HOOK1: variants seen among roughly 807,000 people sequenced by gnomAD.
HOOK1 encodes protein Hook homolog 1.
A neutral mutation model predicts 112.8 loss-of-function variants in HOOK1; 60 were observed. That is an observed-to-expected ratio of 0.53 (90% CI 0.43 to 0.66). The LOEUF (loss-of-function observed/expected upper bound fraction) is 0.66, where lower values mean the gene tolerates loss of function less well. Among genes scored for constraint, HOOK1 ranks in the 30% least tolerant of loss-of-function variants. HOOK1 has a pLI of 0.00. For synonymous variants in HOOK1, 294 were observed against 283.8 expected (o/e 1.04, Z -0.36); for missense variants, 770 against 856.0 (o/e 0.90, Z 1.25).
At chr1:59,858,343 A>G (rs752443669) in intron 12 of HOOK1, 85 bp from the exon 13 acceptor site, 19 of 851,854 alleles carry the variant, frequency 2.2e-5, no homozygotes, top group Non-Finnish European at 3.4e-5. Context: ...ACAATTATTA[A>G]ACTAGTTAAG....
At chr1:59,819,198 A>G (rs1415163911) in intron 1 of HOOK1, among the ~76,000 whole-genome samples, 2 of 118,562 alleles carry the variant, frequency 1.7e-5, no homozygotes, top group East Asian at 2.4e-4. Context: ...TGCCTAGGCT[A>G]TAGTGCAGTG....
Position 59,874,238 on chromosome 1 carries a change from AT to A in HOOK1, c.*1276del, listed in dbSNP as rs1206873607. The A allele has an allele frequency of 6.6e-6, 1 of 152,150 alleles. No individual in the cohort carries two copies. The highest frequency in any genetic ancestry group is 1.9e-4 in the East Asian group (1 of 5,190). The allele number at this position is 152,150 out of a possible 1,614,324, so 9.4% of individuals were successfully genotyped here. ...ATATTGGACAGGGCAGCTATAGAAT[AT>A]TTCCATCATTGCAGAAAGTTCTATT... On this transcript the variant is annotated 3_prime_UTR_variant, in exon 22 of 22. Coordinates refer to ENST00000371208, the MANE Select transcript of HOOK1 (RefSeq NM_015888.6).
chr1:59,831,263 G>A (rs988095860), intron 3 of HOOK1, among the ~76,000 whole-genome samples: 4 of 152,058 alleles, frequency 2.6e-5, no homozygotes, highest in African/African-American at 9.7e-5. Flanking sequence ...TGGCTATTGT[G>A]GGGGGCAGAA....
At position 59,848,296 on chromosome 1, in the gene HOOK1, T is replaced by G; in HGVS notation, c.930-19T>G. 6.3e-7 allele frequency: 1 copy of G among 1,577,186 alleles called. No homozygotes were observed. The highest frequency in any genetic ancestry group is 2.2e-5 in the East Asian group (1 of 44,510). ...TATACTAGTTTTTGTACAGTAATGC[T>G]TAGTCTTTATGATTATAGGGCTACC... On this transcript the variant is annotated intron_variant, in intron 10 of 21. Coordinates refer to ENST00000371208, the MANE Select transcript of HOOK1 (RefSeq NM_015888.6).
chr1:59,858,517 T>C lies in HOOK1; in HGVS notation c.1330+2T>C. 6.3e-7 allele frequency: 1 copy of C among 1,597,042 alleles called. No homozygotes were observed. Among genetic ancestry groups the C allele is most frequent in the Non-Finnish European group, 8.6e-7 (1 of 1,164,818 alleles). ...AACAGGACCACCTAAACCAAACAGGTTAATTTTGTTAGATTTAGAAAAGTT... is the reference window on the plus strand; with the variant it reads ...AACAGGACCACCTAAACCAAACAGGCTAATTTTGTTAGATTTAGAAAAGTT... On this transcript the variant is annotated splice_donor_variant, in intron 13 of 21. Transcript: ENST00000371208. LOFTEE classifies it high-confidence loss of function.
At chr1:59,817,286 G>A (rs1443623701) in intron 1 of HOOK1, among the ~76,000 whole-genome samples, 8 of 152,028 alleles carry the variant, frequency 5.3e-5, no homozygotes, top group African/African-American at 1.7e-4. Context: ...CTCTCATTCA[G>A]TCTTCAACCC....
intron 4 of HOOK1, among the ~76,000 whole-genome samples, chr1:59,832,961 G>GA (rs1214056130): frequency 6.6e-6 from 1 of 151,728 alleles, no homozygotes; most frequent in Admixed American, 6.6e-5. Flanking sequence ...ATAAGACCAG[G>GA]AAAAAAAATT....
At chr1:59,859,961 C>CT (rs1434297017) in intron 14 of HOOK1, among the ~76,000 whole-genome samples, 3 of 151,570 alleles carry the variant, frequency 2.0e-5, no homozygotes, top group Admixed American at 6.6e-5. Flanking sequence ...AATTTGACTG[C>CT]TTTTTTTTAA....
rs1644124933 is a variant in HOOK1 at position 59,876,210 on chromosome 1, C to G, written c.*3245C>G. 2 of 152,518 alleles carry G rather than the reference C, an allele frequency of 1.3e-5. No homozygotes were observed. Among genetic ancestry groups the G allele is most frequent in the Non-Finnish European group, 2.9e-5 (2 of 68,018 alleles). 9.4% of individuals were successfully genotyped at this position (152,518 alleles called of 1,614,324 possible). On this transcript the variant is annotated 3_prime_UTR_variant, in exon 22 of 22. Transcript: ENST00000371208. ...ATGTAATGTTTAGCTTATAAAAGGTCCTTTCTATTTTCTATGGCAAAGACT... is the reference window on the plus strand; with the variant it reads ...ATGTAATGTTTAGCTTATAAAAGGTGCTTTCTATTTTCTATGGCAAAGACT...
intron 12 of HOOK1, among the ~76,000 whole-genome samples, chr1:59,856,248 A>G (rs1484765527): frequency 9.3e-5 from 14 of 150,602 alleles, no homozygotes; most frequent in Admixed American, 6.6e-4. Flanking sequence ...ACCAGCCCCT[A>G]TAGTGAATTT....
Position 59,850,629 on chromosome 1 carries a change from C to T in HOOK1, c.1242+1446C>T, listed in dbSNP as rs983088399. 9.0e-4 allele frequency among the ~76,000 whole-genome samples: 137 copies of T among 151,458 alleles called. 1 individual carries two copies. Among genetic ancestry groups the T allele is most frequent in the African/African-American group, 3.2e-3 (133 of 41,356 alleles). Reference sequence around the variant, plus strand: ...GTTGATAAAACTATTCTTACTACATCGAATTATTTGGTATTCTTGTTAAAA... The same window carrying T: ...GTTGATAAAACTATTCTTACTACATTGAATTATTTGGTATTCTTGTTAAAA... On this transcript the variant is annotated intron_variant, in intron 12 of 21. Coordinates refer to ENST00000371208, the MANE Select transcript of HOOK1 (RefSeq NM_015888.6).
chr1:59,828,127 TA>T (rs1309029239), intron 2 of HOOK1, among the ~76,000 whole-genome samples: 3 of 152,230 alleles, frequency 2.0e-5, no homozygotes, highest in Non-Finnish European at 2.9e-5. Context: ...TAAAGTCTAT[TA>T]ATGTAGTTCA....
chr1:59,828,922 A>T, intron 3 of HOOK1, 70 bp downstream of exon 3: 1 of 1,236,676 alleles, frequency 8.1e-7, no homozygotes, highest in South Asian at 1.3e-5. Context: ...AGTTAACCAA[A>T]TCTGTTTTTC....
intron 1 of HOOK1, among the ~76,000 whole-genome samples, chr1:59,818,306 C>G (rs1354941546): frequency 6.6e-6 from 1 of 152,106 alleles, no homozygotes; most frequent in African/African-American, 2.4e-5. Flanking sequence ...TCTTTCAGCG[C>G]TAGGAGGAGA....
At position 59,865,226 on chromosome 1, in the gene HOOK1, GC is replaced by G. The variant is rs1326086204; in HGVS notation, c.1727del (p.Pro576GlnfsTer3). ...KKQELIEDLQ[P>X]DINQNVQKIN... is the part of the protein sequence containing the mutation. The stretch of plus-strand genomic sequence containing the variant: ...AACAAGAACTCATTGAAGATCTTCA[GC>G]CAGATATAAATCAAAATGGTAGGTA... On this transcript the variant is annotated frameshift_variant, in exon 18 of 22. Coordinates refer to ENST00000371208, the MANE Select transcript of HOOK1 (RefSeq NM_015888.6). LOFTEE classifies it high-confidence loss of function. 3 of 1,603,202 alleles carry G rather than the reference GC, an allele frequency of 1.9e-6. No homozygotes were observed. In the Admixed American group the frequency reaches 5.0e-5, roughly 27 times the overall value.
chr1:59,866,260 C>T (rs915434737), intron 19 of HOOK1, among the ~76,000 whole-genome samples: 5 of 152,092 alleles, frequency 3.3e-5, no homozygotes, highest in African/African-American at 1.2e-4. Context: ...TAGTTCTTGG[C>T]AAAATAAGCC....
At chr1:59,852,428 G>T (rs1054383951) in intron 12 of HOOK1, among the ~76,000 whole-genome samples, 9 of 151,390 alleles carry the variant, frequency 5.9e-5, no homozygotes, top group Non-Finnish European at 1.2e-4. Flanking sequence ...TGGGCATACA[G>T]TTGTTTATTG....
rs762010933 is a variant in HOOK1 at position 59,821,821 on chromosome 1, A to G, written c.64-37A>G. ...TTTGTAATGCTACCTTGTAGGTATA[A>G]AGAAGCAGTAAGATCATTTGATTTA... On this transcript the variant is annotated intron_variant, in intron 1 of 21. Transcript: ENST00000371208. The G allele has an allele frequency of 2.8e-6, 4 of 1,422,366 alleles. No homozygotes were observed. In the East Asian group the frequency reaches 7.4e-5, roughly 26 times the overall value. 88.1% of individuals were successfully genotyped at this position (1,422,366 alleles called of 1,614,324 possible).
intron 3 of HOOK1, 52 bp from the exon 4 acceptor site, chr1:59,832,110 CT>C: frequency 9.6e-7 from 1 of 1,041,772 alleles, no homozygotes; most frequent in Non-Finnish European, 1.4e-6. Context: ...GCTGACATAA[CT>C]TTTCTTTCAT....
Sources: gnomAD v4.1 joint callset for allele counts (sites outside exome capture counted in the v4.1 genomes callset) on GRCh38, gnomAD v4.1.1 for gene constraint, MANE v1.5 for transcripts, NCBI Gene and HGNC (gene_info 2026-07-23, HGNC 2026-07-21) for gene names.